The following MOV10 variants were observed in gnomAD, a reference collection of about 807,000 sequenced individuals.
MOV10 encodes RNA helicase MOV-10.
In MOV10, 39 loss-of-function variants were observed where a neutral mutation model predicts 108.4. The observed-to-expected ratio is 0.36, with a 90% CI of 0.28 to 0.47. The LOEUF is 0.47. Among genes scored for constraint, MOV10 ranks in the 20% least tolerant of loss-of-function variants. MOV10 has a pLI of 1.00. For missense variants in MOV10, 952 were observed against 1,297.6 expected (o/e 0.73, Z 4.09); for synonymous variants, 490 against 523.1 (o/e 0.94, Z 0.86).
chr1:112,682,863 C>CT (rs1394941412), intron 2 of MOV10, among the ~76,000 whole-genome samples: 1 of 151,346 alleles, frequency 6.6e-6, no homozygotes, highest in Non-Finnish European at 1.5e-5. Flanking sequence ...ATTTATTCCC[C>CT]TGTTTATGGA....
rs184517733 is a variant in MOV10, at chr1:112,681,938, C to T, written c.137+6889C>T. On this transcript the variant is annotated intron_variant, in intron 2 of 20. Transcript: ENST00000369645. The stretch of plus-strand genomic sequence containing the variant: ...TTTAGACAGTTTTGCTCTTGTTACC[C>T]AGGCTGGAGTGCAATGGCGCAGTCT... Among the ~76,000 whole-genome samples, 46 of 151,104 alleles carry T rather than the reference C, an allele frequency of 3.0e-4. No individual in the cohort carries two copies. In the East Asian group the frequency reaches 8.7e-3, roughly 29 times the overall value.
intron 14 of MOV10, among the ~76,000 whole-genome samples, chr1:112,697,456 C>T (rs1399163880): frequency 6.6e-6 from 1 of 151,908 alleles, no homozygotes; most frequent in African/African-American, 2.4e-5. Context: ...GGTGACAGAG[C>T]GAGACTCCAT....
In MOV10 at chr1:112,674,938, A is replaced by G; in HGVS notation, c.26A>G (p.Gln9Arg). MPSKFSCR[Q>R]LREAGQCFES... is the part of the protein sequence containing the mutation. ...ATGCCCAGTAAGTTCAGCTGCCGGC[A>G]GCTCCGGGAGGCGGGCCAGTGTTTC... Residue 9 changes from glutamine (Q) to arginine (R), a missense_variant, in exon 2 of 21, where the codon CAG becomes CGG. By Grantham distance (43) the Gln-to-Arg change is conservative. Transcript: ENST00000369645. The G allele has an allele frequency of 6.3e-7, 1 of 1,583,568 alleles. No individual in the cohort carries two copies. The highest frequency in any genetic ancestry group is 8.6e-7 in the Non-Finnish European group (1 of 1,165,846).
rs1570819918 is a variant in MOV10 at position 112,700,072 on chromosome 1, G to T, written c.2798+90G>T. ...TTTTTAAGCGCTTGCTTATCGCTCA[G>T]TTAATCCTCAGATGTGTCCATTTTC... On this transcript the variant is annotated intron_variant, in intron 19 of 20. Coordinates refer to ENST00000369645, the MANE Select transcript of MOV10 (RefSeq NM_001321324.2). 1.9e-6 allele frequency: 3 copies of T among 1,588,006 alleles called. No homozygotes were observed. The East Asian group carries it at 6.7e-5, about 36-fold the overall frequency.
chr1:112,691,835 T>A lies in MOV10; in HGVS notation c.971+36T>A, dbSNP rs376558343. The stretch of plus-strand genomic sequence containing the variant: ...TCCCTCTGCACCCCGCACTCTCCCG[T>A]CTTTTACCTACTGGCTTCTTTGCAT... On this transcript the variant is annotated intron_variant, in intron 6 of 20. Transcript: ENST00000369645. The A allele has an allele frequency of 2.2e-5, 35 of 1,593,352 alleles. No homozygotes were observed. In the African/African-American group the frequency reaches 4.7e-4, roughly 21 times the overall value.
At chr1:112,682,248 A>T (rs1158100574) in intron 2 of MOV10, among the ~76,000 whole-genome samples, 1 of 151,998 alleles carries the variant, frequency 6.6e-6, no homozygotes, top group East Asian at 1.9e-4. Flanking sequence ...TTTTAAGTCA[A>T]GGTCTTGCTC....
chr1:112,690,242 CA>C, intron 5 of MOV10, 144 bp downstream of exon 5: 1 of 1,117,976 alleles, frequency 8.9e-7, no homozygotes, highest in Admixed American at 2.8e-5. Context: ...ATTTTTCTGT[CA>C]AGGAAGAAAG....
rs1222371039 is a variant in MOV10 at position 112,696,082 on chromosome 1, C to G, written c.1780-66C>G. 3 of 1,091,508 alleles carry G rather than the reference C, an allele frequency of 2.7e-6. No individual in the cohort carries two copies. The Admixed American group carries it at 5.8e-5, about 21-fold the overall frequency. The allele number at this position is 1,091,508 out of a possible 1,614,324, so 67.6% of individuals were successfully genotyped here. On this transcript the variant is annotated intron_variant, in intron 11 of 20. Transcript: ENST00000369645. ...ATAATTGTTTGAGGGGGGGTACCCA[C>G]AGCCAGAATCACGGTGGGAATGAGT...
At chr1:112,695,340 G>T in intron 10 of MOV10, 76 bp from the exon 11 acceptor site, 1 of 1,485,178 alleles carries the variant, frequency 6.7e-7, no homozygotes, top group Non-Finnish European at 9.2e-7. Context: ...AGTCATCATA[G>T]ACTTGCCCTG....
Position 112,700,222 on chromosome 1 carries a change from C to T in MOV10, c.2802C>T (p.Phe934=), listed in dbSNP as rs377196406. The change falls in exon 20 of 21, where the codon TTC becomes TTT. Residue 934 remains phenylalanine (F), a synonymous_variant. Coordinates refer to ENST00000369645, the MANE Select transcript of MOV10 (RefSeq NM_001321324.2). ...GGCACTCCTCTGTACCCCACAGATT[C>T]CTGGAGTTCTGTAAAGAAAACGGAG... is the stretch of plus-strand genomic sequence containing the variant. The part of the protein sequence containing the change: ...LLGHDPDWKV[F]LEFCKENGGY... 2.5e-6 allele frequency: 4 copies of T among 1,613,980 alleles called. No homozygotes were observed. Among genetic ancestry groups the T allele is most frequent in the Non-Finnish European group, 3.4e-6 (4 of 1,179,888 alleles).
chr1:112,674,677 T>G lies in MOV10; in HGVS notation c.-118T>G. 6.9e-6 allele frequency: 3 copies of G among 433,094 alleles called. No homozygotes were observed. The highest frequency in any genetic ancestry group is 3.3e-5 in the South Asian group (1 of 29,900). 26.8% of individuals were successfully genotyped at this position (433,094 alleles called of 1,614,324 possible). On this transcript the variant is annotated 5_prime_UTR_variant, in exon 1 of 21. Coordinates refer to ENST00000369645, the MANE Select transcript of MOV10 (RefSeq NM_001321324.2). Reference sequence around the variant, plus strand: ...AGGGGTCAGACGCTTTAGGAAAGAGTTAATGCGAAGAGGGGGAGGGGATAG... The same window carrying G: ...AGGGGTCAGACGCTTTAGGAAAGAGGTAATGCGAAGAGGGGGAGGGGATAG...
At position 112,692,913 on chromosome 1, in the gene MOV10, G is replaced by A; in HGVS notation, c.1124G>A (p.Arg375Lys). 6.2e-7 allele frequency: 1 copy of A among 1,610,964 alleles called. No individual in the cohort carries two copies. Among genetic ancestry groups the A allele is most frequent in the Non-Finnish European group, 8.5e-7 (1 of 1,178,800 alleles). The stretch of plus-strand genomic sequence containing the variant: ...TGGGACCCTGTGGACCAGAACCCCA[G>A]GCTGCTCACGCTGGAGGTCAGGGCT... ...MTWDPVDQNP[R>K]LLTLEVPGVT... Residue 375 changes from arginine to lysine, a missense_variant, in exon 7 of 21, where the codon AGG (arginine) becomes AAG (lysine). By Grantham distance (26) the Arg-to-Lys change is conservative. This residue lies in a region of MOV10 where 18 missense variants were observed against 56.7 expected (regional missense o/e 0.32). Coordinates refer to ENST00000369645, the MANE Select transcript of MOV10 (RefSeq NM_001321324.2).
intron 2 of MOV10, among the ~76,000 whole-genome samples, chr1:112,676,557 G>T (rs1672213689): frequency 6.6e-6 from 1 of 152,226 alleles, no homozygotes; most frequent in African/African-American, 2.4e-5. Flanking sequence ...AGCAAAAACA[G>T]CGGGGGATTT....
At chr1:112,684,162 C>T (rs1271804470) in intron 2 of MOV10, among the ~76,000 whole-genome samples, 1 of 151,010 alleles carries the variant, frequency 6.6e-6, no homozygotes, top group East Asian at 2.0e-4. Context: ...TGCTATGTTT[C>T]TTAGGCTGAT....
chr1:112,700,148 A>T, intron 19 of MOV10, 71 bp from the exon 20 acceptor site: 1 of 1,606,686 alleles, frequency 6.2e-7, no homozygotes. Context: ...AGGTTGAGCA[A>T]GTACAGCTCA....
intron 2 of MOV10, among the ~76,000 whole-genome samples, chr1:112,685,653 CAATAAAATAAAATAA>C (rs141836635): frequency 2.2e-5 from 3 of 139,208 alleles, no homozygotes; most frequent in East Asian, 2.1e-4. Flanking sequence ...GATTCCGTCT[CAATAAAATAAAATAA>C]AATAAAATAA....
chr1:112,685,872 T>C (rs1316236886), intron 2 of MOV10, among the ~76,000 whole-genome samples: 1 of 152,174 alleles, frequency 6.6e-6, no homozygotes, highest in Non-Finnish European at 1.5e-5. Context: ...TATTTAGGGA[T>C]AGCATCTGCA....
In MOV10 at chr1:112,696,692, C is replaced by T. The variant is rs1044753712; in HGVS notation, c.2044C>T (p.Arg682Trp). 37 of 1,609,354 alleles carry T rather than the reference C, an allele frequency of 2.3e-5. No homozygotes were observed. The highest frequency in any genetic ancestry group is 3.1e-5 in the Non-Finnish European group (36 of 1,178,014). The change falls in exon 14 of 21, where the codon CGG becomes TGG. Residue 682 changes from arginine to tryptophan, a missense_variant. Arg to Trp is a moderately radical substitution (Grantham distance 101). Around this residue, in one of 5 missense-constraint regions of MOV10, gnomAD observed 453 missense variants for 611.5 expected, o/e 0.74. Transcript: ENST00000369645. ...GCAGCTGGTGCTGGCAGGAGACCCT[C>T]GGCAGCTGGGGCCTGTGCTGCGTTC... ...GGQLVLAGDPRQLGPVLRSPL... is the reference protein window; with the variant it reads ...GGQLVLAGDPWQLGPVLRSPL...
At chr1:112,686,939 T>C in intron 2 of MOV10, 1 of 456,518 alleles carries the variant, frequency 2.2e-6, no homozygotes, top group Admixed American at 2.3e-5. Flanking sequence ...GCAAGGGCCT[T>C]CTTCTAACTG....
Sources: allele counts gnomAD v4.1 joint callset (sites outside exome capture counted in the v4.1 genomes callset), GRCh38; gene constraint gnomAD v4.1.1; regional missense constraint gnomAD v4.1.1; transcripts MANE v1.5; gene names NCBI Gene and HGNC (gene_info 2026-07-23, HGNC 2026-07-21).